ERBB4: variants seen among roughly 807,000 people sequenced by gnomAD.
ERBB4 encodes receptor tyrosine-protein kinase erbB-4.
ERBB4 carries 42 observed loss-of-function variants against 158.0 expected under a neutral mutation model. The ratio of observed to expected loss-of-function variants is 0.27; its 90% CI spans 0.21 to 0.34. The LOEUF is 0.34. Among genes scored for constraint, ERBB4 ranks in the 10% least tolerant of loss-of-function variants. The pLI, the probability that ERBB4 is intolerant of heterozygous loss-of-function variation, is 1.00. For missense variants in ERBB4, 1,333 were observed against 1,624.1 expected (o/e 0.82, Z 3.08); for synonymous variants, 583 against 558.7 (o/e 1.04, Z -0.61).
At chr2:212,287,818 T>A (rs865847461) in intron 1 of ERBB4, among the ~76,000 whole-genome samples, 1 of 152,072 alleles carries the variant, frequency 6.6e-6, no homozygotes, top group African/African-American at 2.4e-5. Flanking sequence ...ATGAAATACT[T>A]AACATGTTTT....
At chr2:212,513,240 G>A (rs948474665) in intron 1 of ERBB4, among the ~76,000 whole-genome samples, 1 of 152,152 alleles carries the variant, frequency 6.6e-6, no homozygotes, top group African/African-American at 2.4e-5. Context: ...ATAAGTATGT[G>A]CTGAATGAAA....
intron 1 of ERBB4, among the ~76,000 whole-genome samples, chr2:212,507,403 T>C (rs1691252906): frequency 6.6e-6 from 1 of 152,232 alleles, no homozygotes; most frequent in Non-Finnish European, 1.5e-5. Context: ...TTATGAAATA[T>C]ACTTCATAAG....
chr2:211,800,266 T>C (rs1027445694), intron 3 of ERBB4, among the ~76,000 whole-genome samples: 1 of 152,188 alleles, frequency 6.6e-6, no homozygotes, highest in Non-Finnish European at 1.5e-5. Context: ...TATAATGCAG[T>C]ATTTCTCTTA....
chr2:211,470,714 C>T (rs1395245554), intron 20 of ERBB4, among the ~76,000 whole-genome samples: 3 of 152,282 alleles, frequency 2.0e-5, no homozygotes, highest in African/African-American at 7.2e-5. Flanking sequence ...GATCTTGTTA[C>T]AATGCAGATT....
At chr2:211,768,790 G>A in intron 4 of ERBB4, among the ~76,000 whole-genome samples, 1 of 143,154 alleles carries the variant, frequency 7.0e-6, no homozygotes. Context: ...TGTGATGCGA[G>A]GGTTGCCATG....
intron 1 of ERBB4, among the ~76,000 whole-genome samples, chr2:212,301,133 T>G (rs2086604913): frequency 6.6e-6 from 1 of 151,266 alleles, no homozygotes; most frequent in South Asian, 2.1e-4. Flanking sequence ...TTTTTTTTTT[T>G]TTAGCACTTT....
intron 19 of ERBB4, among the ~76,000 whole-genome samples, chr2:211,583,222 T>C (rs939283398): frequency 1.3e-5 from 2 of 152,034 alleles, no homozygotes; most frequent in African/African-American, 4.8e-5. Context: ...ACTTACTATG[T>C]ATCCAGCCAT....
chr2:211,514,445 G>C (rs186401411), intron 20 of ERBB4, among the ~76,000 whole-genome samples: 3 of 151,932 alleles, frequency 2.0e-5, no homozygotes, highest in Non-Finnish European at 4.4e-5. Context: ...TTAATATTGA[G>C]CACATAACAA....
chr2:212,003,210 AAAG>A (rs1559294108), intron 2 of ERBB4, among the ~76,000 whole-genome samples: 2 of 55,382 alleles, frequency 3.6e-5, no homozygotes, highest in Non-Finnish European at 9.4e-5. Context: ...AGAAAGACAG[AAAG>A]AAGGAAGGAA....
chr2:211,919,740 G>A (rs1379893237), intron 3 of ERBB4, among the ~76,000 whole-genome samples: 1 of 151,978 alleles, frequency 6.6e-6, no homozygotes, highest in African/African-American at 2.4e-5. Context: ...GAAGTTAGAA[G>A]TTGTTTATGC....
intron 1 of ERBB4, among the ~76,000 whole-genome samples, chr2:212,386,584 A>C (rs1184788761): frequency 6.6e-6 from 1 of 151,848 alleles, no homozygotes; most frequent in Non-Finnish European, 1.5e-5. Context: ...AAAAAAAAAA[A>C]AAAAACCCAT....
At chr2:212,335,038 A>G (rs1209099891) in intron 1 of ERBB4, among the ~76,000 whole-genome samples, 2 of 151,964 alleles carry the variant, frequency 1.3e-5, no homozygotes, top group Non-Finnish European at 2.9e-5. Context: ...CTTACTCCTT[A>G]CCAGTTTTTA....
At chr2:211,494,365 C>T (rs1481769993) in intron 20 of ERBB4, among the ~76,000 whole-genome samples, 1 of 151,910 alleles carries the variant, frequency 6.6e-6, no homozygotes, top group Non-Finnish European at 1.5e-5. Flanking sequence ...ATTAGCTCAG[C>T]TCTGAAACAA....
At chr2:212,228,904 C>T (rs535363587) in intron 1 of ERBB4, among the ~76,000 whole-genome samples, 60 of 152,200 alleles carry the variant, frequency 3.9e-4, no homozygotes, top group African/African-American at 1.4e-3. Context: ...ATCAGCTAGG[C>T]TAAAAATTTA....
intron 1 of ERBB4, among the ~76,000 whole-genome samples, chr2:212,489,171 C>A (rs1289954100): frequency 6.6e-6 from 1 of 151,664 alleles, no homozygotes; most frequent in Non-Finnish European, 1.5e-5. Flanking sequence ...CACAAATGAC[C>A]TTTTCCCCTT....
intron 16 of ERBB4, among the ~76,000 whole-genome samples, chr2:211,635,200 G>A (rs137942095): frequency 3.3e-5 from 5 of 152,218 alleles, no homozygotes; most frequent in African/African-American, 9.6e-5. Context: ...AAAAGGATAC[G>A]ATCAATTGAT....
At chr2:211,583,061 G>A (rs2068151398) in intron 19 of ERBB4, among the ~76,000 whole-genome samples, 1 of 152,022 alleles carries the variant, frequency 6.6e-6, no homozygotes, top group Non-Finnish European at 1.5e-5. Context: ...ACTTCATTCA[G>A]TATTTATTGA....
chr2:211,885,819 A>G (rs1467834439), intron 3 of ERBB4, among the ~76,000 whole-genome samples: 1 of 152,142 alleles, frequency 6.6e-6, no homozygotes, highest in East Asian at 1.9e-4. Flanking sequence ...GGGAAGCAAT[A>G]TCAGTTTAAG....
chr2:211,498,761 G>A (rs1233474252), intron 20 of ERBB4, among the ~76,000 whole-genome samples: 1 of 152,088 alleles, frequency 6.6e-6, no homozygotes, highest in Non-Finnish European at 1.5e-5. Context: ...TTGACAAAGA[G>A]GCCATATGCA....
Sources: allele counts gnomAD v4.1 joint callset (sites outside exome capture counted in the v4.1 genomes callset), GRCh38; gene constraint gnomAD v4.1.1; transcripts MANE v1.5; gene names NCBI Gene and HGNC (gene_info 2026-07-23, HGNC 2026-07-21).